ILDR2: variants seen among roughly 807,000 people sequenced by gnomAD.
ILDR2 encodes immunoglobulin like domain containing receptor 2.
A neutral mutation model predicts 66.8 loss-of-function variants in ILDR2; 25 were observed. That is an observed-to-expected ratio of 0.37 (90% CI 0.27 to 0.52). ILDR2 has a LOEUF of 0.52. Among genes scored for constraint, ILDR2 ranks in the 20% least tolerant of loss-of-function variants. The pLI is 0.88. For missense variants in ILDR2, 827 were observed against 876.8 expected (o/e 0.94, Z 0.72); for synonymous variants, 367 against 357.2 (o/e 1.03, Z -0.31).
chr1:166,975,326 G>C lies in ILDR2; in HGVS notation c.-58C>G, dbSNP rs1392673184. On this transcript the variant is annotated 5_prime_UTR_variant, in exon 1 of 10. Coordinates refer to ENST00000271417, the MANE Select transcript of ILDR2 (RefSeq NM_199351.3). ...AGGAAAGTGGGAAATGGCTGGAACA[G>C]AAGGATCGCTGTCACCCCGCGGCAG... The C allele has an allele frequency of 2.6e-6, 4 of 1,529,000 alleles. No homozygotes were observed. The highest frequency in any genetic ancestry group is 2.8e-5 in the African/African-American group (2 of 72,574). 94.7% of individuals were successfully genotyped at this position (1,529,000 alleles called of 1,614,324 possible).
intron 3 of ILDR2, among the ~76,000 whole-genome samples, chr1:166,948,845 G>A (rs1661799572): frequency 6.6e-6 from 1 of 152,224 alleles, no homozygotes; most frequent in African/African-American, 2.4e-5. Flanking sequence ...GGTGTGGGGA[G>A]TGGTAAGGGG....
In ILDR2 at chr1:166,922,755, C is replaced by A; in HGVS notation, c.1049G>T (p.Arg350Leu). The A allele has an allele frequency of 1.2e-6, 2 of 1,614,210 alleles. No homozygotes were observed. The highest frequency in any genetic ancestry group is 1.7e-6 in the Non-Finnish European group (2 of 1,180,038). Residue 350 changes from arginine (R) to leucine (L), a missense_variant, in exon 8 of 10, where the codon CGC becomes CTC. Transcript: ENST00000271417. The stretch of plus-strand genomic sequence containing the variant: ...GCTTCTCATCTGATGGAAAGACTGG[C>A]GGAAATTGCTGTCCTCCTCATGTAG... ...SSLHEEDSNF[R>L]QSFHQMRSKQ...
Position 166,950,589 on chromosome 1 carries a change from G to A in ILDR2, c.499+6144C>T, listed in dbSNP as rs551864466. Among the ~76,000 whole-genome samples, 60 of 152,146 alleles carry A rather than the reference G, an allele frequency of 3.9e-4. No homozygotes were observed. In the South Asian group the frequency reaches 0.011, roughly 29 times the overall value. On this transcript the variant is annotated intron_variant, in intron 3 of 9. Coordinates refer to ENST00000271417, the MANE Select transcript of ILDR2 (RefSeq NM_199351.3). ...CCATTAAACATCCCTAAAGTCAATC[G>A]CAAATTCTGAGACGTCCCCTCCCAA...
chr1:166,925,051 G>A (rs1660195702), intron 7 of ILDR2, among the ~76,000 whole-genome samples: 1 of 152,060 alleles, frequency 6.6e-6, no homozygotes, highest in South Asian at 2.1e-4. Flanking sequence ...TGGCCCAGGA[G>A]ATATAGTTTG....
intron 6 of ILDR2, among the ~76,000 whole-genome samples, chr1:166,935,045 G>T (rs928008464): frequency 6.6e-6 from 1 of 152,104 alleles, no homozygotes; most frequent in Non-Finnish European, 1.5e-5. Context: ...ACATTCAAGG[G>T]ATATCTTGTC....
At chr1:166,956,579 C>T (rs879589814) in intron 3 of ILDR2, among the ~76,000 whole-genome samples, 154 bp downstream of exon 3, 2 of 152,062 alleles carry the variant, frequency 1.3e-5, no homozygotes, top group African/African-American at 2.4e-5. Context: ...AGCTACTGCT[C>T]ATAAAGAGCA....
intron 9 of ILDR2, among the ~76,000 whole-genome samples, chr1:166,920,477 C>T (rs1177084847): frequency 6.6e-6 from 1 of 152,210 alleles, no homozygotes; most frequent in Non-Finnish European, 1.5e-5. Context: ...TGTTTTTCAA[C>T]TCTCCCAGCC....
chr1:166,965,877 C>A (rs1464045019), intron 1 of ILDR2, among the ~76,000 whole-genome samples: 3 of 151,914 alleles, frequency 2.0e-5, no homozygotes, highest in Non-Finnish European at 4.4e-5. Flanking sequence ...TTTTTAGGAA[C>A]AACCAATGGG....
intron 7 of ILDR2, among the ~76,000 whole-genome samples, chr1:166,923,523 A>G (rs1660086625): frequency 6.6e-6 from 1 of 152,202 alleles, no homozygotes; most frequent in Non-Finnish European, 1.5e-5. Context: ...CTCCCAAAAA[A>G]GTTTTCCAGG....
chr1:166,898,059 C>T (rs1015670038), intron 2 of ILDR2, among the ~76,000 whole-genome samples: 2 of 152,124 alleles, frequency 1.3e-5, no homozygotes, highest in Non-Finnish European at 2.9e-5. Flanking sequence ...CAGGGTTGCA[C>T]TGCACAATGA....
Position 166,956,734 on chromosome 1 carries a change from C to G in ILDR2, c.498G>C (p.Leu166Phe). The G allele has an allele frequency of 6.2e-7, 1 of 1,613,548 alleles. No individual in the cohort carries two copies. The highest frequency in any genetic ancestry group is 8.5e-7 in the Non-Finnish European group (1 of 1,179,756). ...KNEDSVELLV[L>F]GRTGLLADLL... Reference sequence around the variant, plus strand: ...ATGTCACCTGTTGTTTTCACTTACCCAACACCAGCAGTTCCACTGAGTCCT... The same window carrying G: ...ATGTCACCTGTTGTTTTCACTTACCGAACACCAGCAGTTCCACTGAGTCCT... The change falls in exon 3 of 10, where the codon TTG becomes TTC. Residue 166 changes from leucine to phenylalanine, a missense_variant and splice_region_variant. Physicochemically the swap from Leu to Phe is conservative, Grantham distance 22 (BLOSUM62 0). Coordinates refer to ENST00000271417, the MANE Select transcript of ILDR2 (RefSeq NM_199351.3).
At chr1:166,928,270 G>T (rs1660422919) in intron 6 of ILDR2, among the ~76,000 whole-genome samples, 1 of 152,178 alleles carries the variant, frequency 6.6e-6, no homozygotes, top group Non-Finnish European at 1.5e-5. Context: ...GGTCAGAGGG[G>T]TTTCATAACT....
At chr1:166,942,037 G>C (rs1661338370) in intron 3 of ILDR2, among the ~76,000 whole-genome samples, 1 of 152,132 alleles carries the variant, frequency 6.6e-6, no homozygotes, top group African/African-American at 2.4e-5. Flanking sequence ...GATTACTACA[G>C]GCAAATTACT....
At chr1:166,905,721 T>C (rs1277769342), downstream of ILDR2, among the ~76,000 whole-genome samples, 1 of 152,194 alleles carries the variant, frequency 6.6e-6, no homozygotes, top group Non-Finnish European at 1.5e-5. Context: ...ACTGGTTGCC[T>C]CCTTCATGTC....
At chr1:166,971,137 G>A (rs903496189) in intron 1 of ILDR2, among the ~76,000 whole-genome samples, 1 of 152,164 alleles carries the variant, frequency 6.6e-6, no homozygotes, top group Non-Finnish European at 1.5e-5. Flanking sequence ...GCACTCCAGA[G>A]TACAGATCTT....
chr1:166,921,847 G>A lies in ILDR2; in HGVS notation c.1212-468C>T, dbSNP rs1459259178. 1.3e-5 allele frequency among the ~76,000 whole-genome samples: 2 copies of A among 152,170 alleles called. No individual in the cohort carries two copies. The highest frequency in any genetic ancestry group is 6.5e-5 in the Admixed American group (1 of 15,282). ...TACCTACTGGGGCAGGAGGGGAGAA[G>A]GACACTTGCAATTTGTAAGGGAAAG... On this transcript the variant is annotated intron_variant, in intron 8 of 9. Coordinates refer to ENST00000271417, the MANE Select transcript of ILDR2 (RefSeq NM_199351.3). This position sits in a 1 kb window ranked among gnomAD's most constrained non-coding sequence, Gnocchi z 5.3.
At position 166,936,307 on chromosome 1, in the gene ILDR2, C is replaced by T. The variant is rs112820212; in HGVS notation, c.703+284G>A. On this transcript the variant is annotated intron_variant, in intron 5 of 9. Transcript: ENST00000271417. The surrounding 1 kb of genome is among the most constrained non-coding windows in gnomAD (Gnocchi z 5.0). ...ACAGTCTTACACCACAACCTCACCA[C>T]GCCAAACCTGCCCTTCCATTTTATC... Among the ~76,000 whole-genome samples, 321 of 152,304 alleles carry T rather than the reference C, an allele frequency of 2.1e-3. 2 individuals are homozygous for T. Among genetic ancestry groups the T allele is most frequent in the African/African-American group, 7.5e-3 (310 of 41,554 alleles).
Position 166,899,901 on chromosome 1 carries a change from A to G in ILDR2, n.172-3800T>C, listed in dbSNP as rs571741268. On this transcript the variant is annotated intron_variant and non_coding_transcript_variant, in intron 2 of 2. Coordinates refer to the ILDR2 transcript ENST00000414590. ...AAGATGGCTACATAGGTCAAAGGAC[A>G]ATGCAAGGATTGGCTCTACTCCCTT... 1.1e-4 allele frequency among the ~76,000 whole-genome samples: 17 copies of G among 152,344 alleles called. No individual in the cohort carries two copies. The South Asian group carries it at 1.4e-3, about 13-fold the overall frequency.
At chr1:166,927,743 A>G (rs1351537786) in intron 6 of ILDR2, among the ~76,000 whole-genome samples, 2 of 152,278 alleles carry the variant, frequency 1.3e-5, no homozygotes, top group Non-Finnish European at 2.9e-5. Context: ...GACCATATAC[A>G]TAGTAGTACA....
Sources: allele counts gnomAD v4.1 joint callset (sites outside exome capture counted in the v4.1 genomes callset), GRCh38; gene constraint gnomAD v4.1.1; non-coding constraint Gnocchi (gnomAD v3.1); transcripts MANE v1.5; gene names NCBI Gene and HGNC (gene_info 2026-07-23, HGNC 2026-07-21).